HEATR4: variants seen among roughly 807,000 people sequenced by gnomAD.
HEATR4 encodes the protein HEAT repeat containing 4.
Under a neutral mutation model 108.8 loss-of-function variants are expected in HEATR4, and 95 were observed. That is an observed-to-expected ratio of 0.87 (90% CI 0.74 to 1.04). HEATR4 has a LOEUF of 1.04. Among genes scored for constraint, HEATR4 ranks in the 50% least tolerant of loss-of-function variants. The probability of loss-of-function intolerance (pLI) is 0.00; values close to 1 mark genes in which losing one functional copy is unlikely to be tolerated. For missense variants in HEATR4, 1,152 were observed against 1,253.8 expected, an observed-to-expected ratio of 0.92 and a Z score of 1.23; for synonymous variants, 443 against 459.4, an observed-to-expected ratio of 0.96 and a Z score of 0.46.
the HEATR4 span, among the ~76,000 whole-genome samples, chr14:73,570,966 T>G: frequency 1.0e-4 from 14 of 139,622 alleles, no homozygotes; most frequent in Non-Finnish European, 2.0e-4. Context: ...ATGTATTGAC[T>G]AGGAAGCCAC....
chr14:73,573,692 A>G, the HEATR4 span: 42 of 1,308,890 alleles, frequency 3.2e-5, no homozygotes, highest in African/African-American at 5.8e-4. Context: ...GCCATTCCCT[A>G]CCCCAACACA....
At chr14:73,561,940 TG>T (rs1279363639), upstream of HEATR4, among the ~76,000 whole-genome samples, 1 of 152,024 alleles carries the variant, frequency 6.6e-6, no homozygotes, top group Non-Finnish European at 1.5e-5. Flanking sequence ...ACTGTGATCT[TG>T]CCACTGCACT....
chr14:73,631,889 T>C, the HEATR4 span: 7 of 157,922 alleles, frequency 4.4e-5, no homozygotes, highest in South Asian at 1.1e-3. Context: ...GCTTTCATGA[T>C]GTTCATGTTC....
At chr14:73,491,622 C>G in intron 17 of HEATR4, 1 of 1,547,366 alleles carries the variant, frequency 6.5e-7, no homozygotes, top group Non-Finnish European at 8.7e-7. Context: ...CGGCGGCGAG[C>G]GGCCCGCCTC....
chr14:73,594,910 G>A, the HEATR4 span: 1 of 964,766 alleles, frequency 1.0e-6, no homozygotes, highest in Non-Finnish European at 1.6e-6. Flanking sequence ...CTGCCATGTT[G>A]GCCAGGCTGG....
the HEATR4 span, among the ~76,000 whole-genome samples, chr14:73,564,126 C>T: frequency 5.7e-4 from 87 of 151,764 alleles, no homozygotes; most frequent in Non-Finnish European, 9.9e-4. Flanking sequence ...TGGTGAAACC[C>T]CGTCGTACTA....
At chr14:73,483,568 A>C (rs1436105920) in intron 17 of HEATR4, among the ~76,000 whole-genome samples, 2 of 152,206 alleles carry the variant, frequency 1.3e-5, no homozygotes, top group Non-Finnish European at 2.9e-5. Context: ...ATGAAAAATA[A>C]ATACTTTCAA....
chr14:73,552,233 G>A (rs1234151695), intron 1 of HEATR4, among the ~76,000 whole-genome samples: 1 of 102,562 alleles, frequency 9.8e-6, no homozygotes, highest in Non-Finnish European at 2.0e-5. Flanking sequence ...GTACAGATTC[G>A]CCACCAGTAA....
upstream of HEATR4, among the ~76,000 whole-genome samples, chr14:73,559,628 G>A (rs1889479761): frequency 6.6e-6 from 1 of 151,948 alleles, no homozygotes; most frequent in Admixed American, 6.6e-5. Context: ...TGTAATCCCA[G>A]CTACTCGGGA....
chr14:73,565,849 T>C, the HEATR4 span, among the ~76,000 whole-genome samples: 1 of 151,982 alleles, frequency 6.6e-6, no homozygotes, highest in Admixed American at 6.6e-5. Context: ...AGAACAAAGT[T>C]TCCACAGTGT....
Position 73,492,654 on chromosome 14 carries a change from CAGA to C in HEATR4, c.2844+409_2844+411del, listed in dbSNP as rs1885853328. On this transcript the variant is annotated intron_variant, in intron 17 of 17. Transcript: ENST00000553558. This position sits in a 1 kb window ranked among gnomAD's most constrained non-coding sequence, Gnocchi z 4.9. ...GTGGGGGCCCAGTTGACAACAGAAACAGAAGTCCATATGCTTCAGGATGGGATA... is the reference window on the plus strand; with the variant it reads ...GTGGGGGCCCAGTTGACAACAGAAACAGTCCATATGCTTCAGGATGGGATA... 1.2e-6 allele frequency: 2 copies of C among 1,613,858 alleles called. No homozygotes were observed. Among genetic ancestry groups the C allele is most frequent in the Non-Finnish European group, 1.7e-6 (2 of 1,179,890 alleles).
At chr14:73,498,968 T>C (rs1886257535) in intron 13 of HEATR4, 103 bp downstream of exon 13, 1 of 929,708 alleles carries the variant, frequency 1.1e-6, no homozygotes, top group African/African-American at 1.6e-5. Context: ...GATCATTACC[T>C]CTCCTGCACT....
chr14:73,553,669 C>G (rs1889357702), intron 1 of HEATR4, among the ~76,000 whole-genome samples: 1 of 112,910 alleles, frequency 8.9e-6, no homozygotes, highest in African/African-American at 2.9e-5. Context: ...GAGTCTTGCT[C>G]TGTCCCCCAG....
chr14:73,512,247 A>C, intron 6 of HEATR4, 98 bp from the exon 7 acceptor site: 3 of 1,353,032 alleles, frequency 2.2e-6, no homozygotes, highest in Non-Finnish European at 3.1e-6. Flanking sequence ...CACCCAGAAT[A>C]ATTCAAGCAA....
At chr14:73,587,293 C>G in the HEATR4 span, among the ~76,000 whole-genome samples, 102 of 151,922 alleles carry the variant, frequency 6.7e-4, 1 homozygote, top group South Asian at 0.02. Context: ...GGAGATTTAT[C>G]AAAAATAGGA....
chr14:73,549,258 A>G lies in HEATR4; in HGVS notation c.-152+9493T>C, dbSNP rs1566853013. Among the ~76,000 whole-genome samples the G allele has an allele frequency of 1.8e-5, 2 of 111,998 alleles. 1 individual carries two copies. The highest frequency in any genetic ancestry group is 3.9e-5 in the Non-Finnish European group (2 of 51,482). 73.5% of individuals were successfully genotyped at this position (111,998 alleles called of 152,430 possible). A position where few individuals can be genotyped will look rare whatever the true frequency, so the allele number is the denominator to read the frequency against. On this transcript the variant is annotated intron_variant, in intron 1 of 17. Transcript: ENST00000553558. ...ACAGTCACTTCCCAAATGCCTCGTG[A>G]TGTGTGTGTGTGTCTGTGTGTGTGT...
intron 17 of HEATR4, chr14:73,490,887 T>C (rs968850793): frequency 1.0e-6 from 1 of 972,488 alleles, no homozygotes. Context: ...AGAAGAATGA[T>C]GGGCGTGGCC....
At chr14:73,627,722 T>C in the HEATR4 span, among the ~76,000 whole-genome samples, 1 of 152,200 alleles carries the variant, frequency 6.6e-6, no homozygotes, top group Admixed American at 6.5e-5. Flanking sequence ...CTAGGCACGA[T>C]TGATTAAATC....
At chr14:73,484,351 G>A (rs1885364942) in intron 17 of HEATR4, among the ~76,000 whole-genome samples, 1 of 151,836 alleles carries the variant, frequency 6.6e-6, no homozygotes, top group Non-Finnish European at 1.5e-5. Flanking sequence ...GGGGCCAGAT[G>A]GCCTATTCAA....
Sources: gnomAD v4.1 joint callset for allele counts (sites outside exome capture counted in the v4.1 genomes callset) on GRCh38, gnomAD v4.1.1 for gene constraint, Gnocchi (gnomAD v3.1) non-coding constraint, MANE v1.5 for transcripts, NCBI Gene and HGNC (gene_info 2026-07-23, HGNC 2026-07-21) for gene names.